CLIC5: variants seen among roughly 807,000 people sequenced by gnomAD.
CLIC5 encodes the protein chloride intracellular channel protein 5.
In CLIC5, 20 loss-of-function variants were observed where a neutral mutation model predicts 24.7. That is an observed-to-expected ratio of 0.81 (90% confidence interval 0.57 to 1.18). The LOEUF is 1.18. Among genes scored for constraint, CLIC5 ranks in the 50% most tolerant of loss-of-function variants. The pLI is 0.00. For missense variants in CLIC5, 341 were observed against 326.1 expected (o/e 1.05, Z -0.35); for synonymous variants, 159 against 135.6 (o/e 1.17, Z -1.20).
the CLIC5 span, among the ~76,000 whole-genome samples, chr6:46,093,920 T>C: frequency 6.6e-6 from 1 of 152,188 alleles, no homozygotes; most frequent in Non-Finnish European, 1.5e-5. Context: ...AAAAGAGGTA[T>C]AATTGGCTCA....
intron 1 of CLIC5, among the ~76,000 whole-genome samples, chr6:45,978,242 C>G (rs1765449059): frequency 1.3e-5 from 2 of 152,170 alleles, no homozygotes; most frequent in Non-Finnish European, 2.9e-5. Flanking sequence ...TCTGACCCAT[C>G]TATGGTGCCT....
chr6:45,939,887 A>G (rs1764071619), intron 4 of CLIC5, among the ~76,000 whole-genome samples: 1 of 151,592 alleles, frequency 6.6e-6, no homozygotes, highest in Admixed American at 6.6e-5. Context: ...CTGGGGGGAC[A>G]CTACTCAACA....
exon 1 of CLIC5, chr6:46,080,048 C>G (rs1362878986): frequency 6.4e-7 from 1 of 1,551,678 alleles, no homozygotes; most frequent in East Asian, 2.4e-5. Context: ...TCTCTTCACC[C>G]TTAATGGTAT....
intron 4 of CLIC5, among the ~76,000 whole-genome samples, chr6:45,919,434 T>A (rs767037156): frequency 3.3e-5 from 5 of 152,110 alleles, no homozygotes; most frequent in African/African-American, 4.8e-5. Context: ...TCTGGAAGGA[T>A]ACCCAAGCAA....
chr6:45,912,080 C>G, intron 5 of CLIC5: 1 of 986,104 alleles, frequency 1.0e-6, no homozygotes, highest in Non-Finnish European at 1.2e-6. Context: ...CAGGGACTTC[C>G]ATGCTCATGT....
the CLIC5 span, among the ~76,000 whole-genome samples, chr6:46,100,865 C>T: frequency 6.6e-6 from 1 of 152,094 alleles, no homozygotes; most frequent in Admixed American, 6.6e-5. Context: ...ACCACTAACC[C>T]CTCAATGGGG....
At chr6:46,124,069 T>C in the CLIC5 span, among the ~76,000 whole-genome samples, 5 of 152,170 alleles carry the variant, frequency 3.3e-5, no homozygotes, top group African/African-American at 9.7e-5. Flanking sequence ...CTTCACAGAA[T>C]TGGAAAAAAC....
rs112526077 is a variant in CLIC5 at position 45,973,585 on chromosome 6, A to T, written c.64-18341T>A. 7.2e-3 allele frequency among the ~76,000 whole-genome samples: 1,102 copies of T among 152,342 alleles called. 11 individuals are homozygous for T. The highest frequency in any genetic ancestry group is 0.025 in the African/African-American group (1,031 of 41,574). ...CCCTGTAGATATATATTCCTTTTAC[A>T]ATATAATCACTAATATTTGATCCTC... On this transcript the variant is annotated intron_variant, in intron 1 of 5. Coordinates refer to ENST00000339561, the MANE Select transcript of CLIC5 (RefSeq NM_016929.5).
At position 45,914,400 on chromosome 6, in the gene CLIC5, C is replaced by T. The variant is rs1762939175; in HGVS notation, c.416G>A (p.Arg139Lys). ...TTTCTTTAGAGCCTTGGTTAGGCCTCTTTCAAGAGCTGGCATGAAAGAGTA... is the reference window on the plus strand; with the variant it reads ...TTTCTTTAGAGCCTTGGTTAGGCCTTTTTCAAGAGCTGGCATGAAAGAGTA... ...TKQQNNAALERGLTKALKKLD... is the reference protein window; with the variant it reads ...TKQQNNAALEKGLTKALKKLD... Residue 139 changes from arginine (R) to lysine (K), a missense_variant, in exon 5 of 6, where the codon AGA (arginine) becomes AAA (lysine). By Grantham distance (26) the Arg-to-Lys change is conservative (BLOSUM62 2). Transcript: ENST00000339561. 6.4e-7 allele frequency: 1 copy of T among 1,567,302 alleles called. No homozygotes were observed. The highest frequency in any genetic ancestry group is 1.4e-5 in the African/African-American group (1 of 73,882).
intron 4 of CLIC5, among the ~76,000 whole-genome samples, chr6:45,919,902 A>T (rs1246092371): frequency 6.6e-6 from 1 of 152,190 alleles, no homozygotes; most frequent in Non-Finnish European, 1.5e-5. Context: ...AAAAATGTTC[A>T]ATCGATTAGC....
At chr6:46,103,197 A>C in the CLIC5 span, among the ~76,000 whole-genome samples, 2 of 152,224 alleles carry the variant, frequency 1.3e-5, no homozygotes, top group Non-Finnish European at 2.9e-5. Flanking sequence ...ATCTTCAAGC[A>C]AACAAATGGG....
chr6:45,984,117 A>G (rs1765654488), intron 1 of CLIC5, among the ~76,000 whole-genome samples: 1 of 152,236 alleles, frequency 6.6e-6, no homozygotes, highest in African/African-American at 2.4e-5. Context: ...GGAACATAGT[A>G]AAGGAAAGAG....
intron 1 of CLIC5, among the ~76,000 whole-genome samples, chr6:45,965,463 C>G (rs1581799651): frequency 6.6e-6 from 1 of 152,162 alleles, no homozygotes; most frequent in East Asian, 1.9e-4. Context: ...TTATTGGAAG[C>G]CTTTGTGTTC....
the CLIC5 span, among the ~76,000 whole-genome samples, chr6:46,115,368 TG>T: frequency 6.6e-6 from 1 of 152,206 alleles, no homozygotes; most frequent in South Asian, 2.1e-4. Context: ...CCAAATTTCT[TG>T]CTCCCTAATC....
chr6:45,967,765 A>G (rs1581802435), intron 1 of CLIC5, among the ~76,000 whole-genome samples: 2 of 152,086 alleles, frequency 1.3e-5, no homozygotes, highest in South Asian at 4.1e-4. Context: ...GGGAGCAGGC[A>G]CTTTCCATGG....
the CLIC5 span, among the ~76,000 whole-genome samples, chr6:46,125,636 A>C: frequency 6.6e-6 from 1 of 152,116 alleles, no homozygotes; most frequent in Non-Finnish European, 1.5e-5. Context: ...AAGATAATTT[A>C]CTGAGTCATG....
chr6:46,037,996 T>A (rs914329604), intron 1 of CLIC5, among the ~76,000 whole-genome samples: 3 of 152,112 alleles, frequency 2.0e-5, no homozygotes, highest in Non-Finnish European at 4.4e-5. Context: ...GGCCTTCAGA[T>A]AGAGCCTGGG....
chr6:46,078,114 C>T (rs561559893), intron 1 of CLIC5, among the ~76,000 whole-genome samples: 2 of 152,170 alleles, frequency 1.3e-5, no homozygotes, highest in African/African-American at 2.4e-5. Context: ...AATCCCAGCA[C>T]TCTGGGAGGT....
upstream of CLIC5, among the ~76,000 whole-genome samples, chr6:46,084,573 C>A (rs1419912874): frequency 6.6e-6 from 1 of 152,024 alleles, no homozygotes; most frequent in African/African-American, 2.4e-5. Flanking sequence ...GTTGAAAATT[C>A]TTTCCTTTAA....
Sources: allele counts gnomAD v4.1 joint callset (sites outside exome capture counted in the v4.1 genomes callset), GRCh38; gene constraint gnomAD v4.1.1; transcripts MANE v1.5; gene names NCBI Gene and HGNC (gene_info 2026-07-23, HGNC 2026-07-21).